CHLSN: variants seen among roughly 807,000 people sequenced by gnomAD.
CHLSN encodes the protein protein cholesin.
At chr7:1,055,316 CGCGCAG>C in the CHLSN span, 1 of 471,064 alleles carries the variant, frequency 2.1e-6, no homozygotes, top group Non-Finnish European at 4.4e-6. Context: ...CTCACACGCA[CGCGCAG>C]GCGGCCAGGC....
At chr7:1,058,313 G>T in the CHLSN span, 1 of 776,090 alleles carries the variant, frequency 1.3e-6, no homozygotes, top group Admixed American at 1.7e-5. Flanking sequence ...GGAAGCCCGT[G>T]GACGCACACT....
At chr7:1,013,418 T>C in the CHLSN span, among the ~76,000 whole-genome samples, 9 of 152,194 alleles carry the variant, frequency 5.9e-5, no homozygotes, top group African/African-American at 9.6e-5. Flanking sequence ...GGGCCCCTTC[T>C]AGGGACTTGA....
the CHLSN span, among the ~76,000 whole-genome samples, chr7:1,008,903 T>TATACACGC: frequency 1.3e-5 from 2 of 150,486 alleles, no homozygotes; most frequent in Admixed American, 6.6e-5. Flanking sequence ...TGCACACACG[T>TATACACGC]ACACAACACA....
the CHLSN span, chr7:985,402 T>C: frequency 4.1e-6 from 6 of 1,449,638 alleles, no homozygotes; most frequent in African/African-American, 2.8e-5. Context: ...GGGGCCCCAG[T>C]GCTGTCCCCT....
chr7:1,056,706 T>A, the CHLSN span: 1 of 152,250 alleles, frequency 6.6e-6, no homozygotes, highest in Non-Finnish European at 1.5e-5. Flanking sequence ...TCACTGCTCT[T>A]GCCTCCGGGC....
At chr7:1,120,148 A>G in the CHLSN span, among the ~76,000 whole-genome samples, 4 of 152,172 alleles carry the variant, frequency 2.6e-5, no homozygotes, top group Non-Finnish European at 5.9e-5. Flanking sequence ...AGCAGCCAAA[A>G]ATTATACCTC....
the CHLSN span, among the ~76,000 whole-genome samples, chr7:1,067,206 C>T: frequency 8.7e-6 from 1 of 114,756 alleles, no homozygotes; most frequent in South Asian, 3.0e-4. Context: ...AATCTTCACA[C>T]AGGCTGGAGT....
the CHLSN span, chr7:1,045,760 A>C: frequency 6.6e-6 from 1 of 152,256 alleles, no homozygotes; most frequent in Non-Finnish European, 1.5e-5. Flanking sequence ...CTCTGAAGAC[A>C]AGTGACTTAA....
At chr7:994,271 A>C in the CHLSN span, among the ~76,000 whole-genome samples, 2 of 151,480 alleles carry the variant, frequency 1.3e-5, no homozygotes, top group Non-Finnish European at 2.9e-5. Context: ...GATTCTCCTG[A>C]CTCAGCCTCC....
the CHLSN span, chr7:1,056,821 G>A: frequency 1.1e-4 from 16 of 145,228 alleles, no homozygotes; most frequent in African/African-American, 3.5e-4. Context: ...CAGGCTTCCC[G>A]AGATAGCTGT....
chr7:979,947 C>G, the CHLSN span, among the ~76,000 whole-genome samples: 2 of 152,188 alleles, frequency 1.3e-5, no homozygotes, highest in Non-Finnish European at 2.9e-5. Context: ...TGGTGGATCT[C>G]TAGTACACTG....
At chr7:1,049,130 T>G in the CHLSN span, among the ~76,000 whole-genome samples, 4 of 150,742 alleles carry the variant, frequency 2.7e-5, no homozygotes, top group Non-Finnish European at 5.9e-5. Context: ...GGGGGCTGCC[T>G]CCTCCTCCAC....
chr7:1,115,288 G>A, the CHLSN span, among the ~76,000 whole-genome samples: 2 of 152,238 alleles, frequency 1.3e-5, no homozygotes, highest in African/African-American at 2.4e-5. Flanking sequence ...TCACTGAGAT[G>A]AGAAACGGCC....
the CHLSN span, among the ~76,000 whole-genome samples, chr7:1,062,800 G>A: frequency 7.2e-5 from 11 of 152,300 alleles, no homozygotes; most frequent in South Asian, 4.1e-4. Context: ...TCCGCACTCC[G>A]TCAGGTTGGG....
chr7:987,933 T>TG, the CHLSN span, among the ~76,000 whole-genome samples: 23,285 of 135,572 alleles, frequency 0.17, 2,510 homozygotes, highest in African/African-American at 0.33. Context: ...CTGTGTGTCC[T>TG]GGGGGGGTCC....
the CHLSN span, among the ~76,000 whole-genome samples, chr7:1,015,946 T>G: frequency 0.54 from 79,228 of 145,538 alleles, 23,062 homozygotes; most frequent in African/African-American, 0.69. Context: ...CTGACGCCCC[T>G]CAGTGACCCT....
At chr7:1,016,392 C>CCAGCACACAG in the CHLSN span, among the ~76,000 whole-genome samples, 1 of 56,366 alleles carries the variant, frequency 1.8e-5, no homozygotes, top group Non-Finnish European at 3.2e-5. Context: ...GCAGCACACG[C>CCAGCACACAG]CAGCACACAG....
At chr7:1,134,076 C>A in the CHLSN span, among the ~76,000 whole-genome samples, 4 of 151,994 alleles carry the variant, frequency 2.6e-5, no homozygotes, top group African/African-American at 7.2e-5. Flanking sequence ...GGATTGCAGG[C>A]GTGAGCCACC....
the CHLSN span, among the ~76,000 whole-genome samples, chr7:1,031,275 G>A: frequency 6.6e-6 from 1 of 152,244 alleles, no homozygotes; most frequent in Admixed American, 6.5e-5. Flanking sequence ...GAAAAGTTAA[G>A]GGTAGGCTGT....
Sources: allele counts gnomAD v4.1 joint callset (sites outside exome capture counted in the v4.1 genomes callset), GRCh38; gene constraint gnomAD v4.1.1; transcripts MANE v1.5; gene names NCBI Gene and HGNC (gene_info 2026-07-23, HGNC 2026-07-21).